The following PPP2R5A variants were observed in gnomAD, a reference collection of about 807,000 sequenced individuals.
The protein encoded by PPP2R5A is protein phosphatase 2 regulatory subunit B'alpha.
Under a neutral mutation model 64.2 loss-of-function variants are expected in PPP2R5A, and 25 were observed. That is an observed-to-expected ratio of 0.39 (90% confidence interval 0.28 to 0.54). The LOEUF (loss-of-function observed/expected upper bound fraction) is 0.54. Among genes scored for constraint, PPP2R5A ranks in the 20% least tolerant of loss-of-function variants. The pLI is 0.67. For synonymous variants in PPP2R5A, 198 were observed against 201.2 expected, an observed-to-expected ratio of 0.98 and a Z score of 0.13; for missense variants, 425 against 576.3, an observed-to-expected ratio of 0.74 and a Z score of 2.69.
At chr1:212,311,587 T>G (rs1203040865) in intron 1 of PPP2R5A, among the ~76,000 whole-genome samples, 2 of 152,160 alleles carry the variant, frequency 1.3e-5, no homozygotes, top group African/African-American at 4.8e-5. Flanking sequence ...GTGTGCTCCT[T>G]CTACTTATTA....
intron 1 of PPP2R5A, chr1:212,301,976 T>C (rs1658806031): frequency 1.4e-6 from 2 of 1,397,806 alleles, no homozygotes; most frequent in African/African-American, 1.5e-5. Context: ...TTATTTATCC[T>C]TAAATGTAGA....
chr1:212,344,309 T>C (rs1055318465), intron 4 of PPP2R5A, among the ~76,000 whole-genome samples: 1 of 152,186 alleles, frequency 6.6e-6, no homozygotes, highest in East Asian at 1.9e-4. Flanking sequence ...TGTGAACTTA[T>C]TAGATATATT....
At chr1:212,336,924 G>C (rs1439957717) in intron 3 of PPP2R5A, among the ~76,000 whole-genome samples, 1 of 152,104 alleles carries the variant, frequency 6.6e-6, no homozygotes, top group Non-Finnish European at 1.5e-5. Flanking sequence ...GTTAATGAGG[G>C]AGTAATTACA....
Position 212,329,298 on chromosome 1 carries a change from T to C in PPP2R5A, c.345T>C (p.Ile115=). ...ATGTTTCAACTAATCGTGGTGTAAT[T>C]GTTGAATCAGCGTATTCTGATATAG... The part of the protein sequence containing the change: ...VEYVSTNRGV[I]VESAYSDIVK... Residue 115 remains isoleucine (I), a synonymous_variant, in exon 2 of 13, where the codon ATT becomes ATC. Coordinates refer to ENST00000261461, the MANE Select transcript of PPP2R5A (RefSeq NM_006243.4). 6.2e-7 allele frequency: 1 copy of C among 1,606,778 alleles called. No homozygotes were observed. The highest frequency in any genetic ancestry group is 8.5e-7 in the Non-Finnish European group (1 of 1,177,902).
At chr1:212,294,001 CTTAG>C (rs1658648823) in intron 1 of PPP2R5A, among the ~76,000 whole-genome samples, 1 of 152,192 alleles carries the variant, frequency 6.6e-6, no homozygotes, top group South Asian at 2.1e-4. Flanking sequence ...TCAGGTTTTG[CTTAG>C]TTAATGAATA....
At chr1:212,335,935 T>C (rs1208436628) in intron 3 of PPP2R5A, among the ~76,000 whole-genome samples, 1 of 152,172 alleles carries the variant, frequency 6.6e-6, no homozygotes, top group Non-Finnish European at 1.5e-5. Flanking sequence ...GAAAGTGTTT[T>C]CATTAGAATA....
chr1:212,293,641 G>A (rs1214201831), intron 1 of PPP2R5A, among the ~76,000 whole-genome samples: 1 of 151,322 alleles, frequency 6.6e-6, no homozygotes, highest in Non-Finnish European at 1.5e-5. Context: ...AAGTAATGAA[G>A]AATTTTAGAA....
chr1:212,301,945 A>G, intron 1 of PPP2R5A: 1 of 1,336,840 alleles, frequency 7.5e-7, no homozygotes, highest in South Asian at 1.8e-5. Context: ...ATTTGTTAGA[A>G]ATGATTCCTG....
intron 12 of PPP2R5A, among the ~76,000 whole-genome samples, chr1:212,359,999 T>C (rs1660051491): frequency 6.6e-6 from 1 of 152,212 alleles, no homozygotes; most frequent in African/African-American, 2.4e-5. Context: ...AAGCCTATGT[T>C]TTACATGTTC....
At position 212,285,693 on chromosome 1, in the gene PPP2R5A, C is replaced by T. The variant is rs572896920; in HGVS notation, c.-418C>T. The T allele has an allele frequency of 8.9e-4, 141 of 157,912 alleles. 2 individuals carry two copies. The highest frequency in any genetic ancestry group is 3.2e-3 in the African/African-American group (135 of 41,818). The allele number at this position is 157,912 out of a possible 1,614,324, so 9.8% of individuals were successfully genotyped here. ...GGGCGGGCTGCGCTGGCAGCGGCCG[C>T]TGAGGTGCTGGCCGGCCGGCTGGCT... is the stretch of plus-strand genomic sequence containing the variant. On this transcript the variant is annotated 5_prime_UTR_variant, in exon 1 of 13. Transcript: ENST00000261461.
intron 1 of PPP2R5A, chr1:212,306,831 C>T (rs1325277122): frequency 6.6e-6 from 1 of 152,108 alleles, no homozygotes; most frequent in Non-Finnish European, 1.5e-5. Flanking sequence ...GATCTCCACT[C>T]ACTGCAACCT....
intron 4 of PPP2R5A, among the ~76,000 whole-genome samples, chr1:212,344,645 T>A (rs943201812): frequency 6.6e-6 from 1 of 152,196 alleles, no homozygotes; most frequent in Non-Finnish European, 1.5e-5. Context: ...TCTAAGAAAA[T>A]CCAATGTTTA....
intron 1 of PPP2R5A, among the ~76,000 whole-genome samples, chr1:212,291,097 G>A (rs1286885058): frequency 3.3e-5 from 5 of 151,964 alleles, no homozygotes; most frequent in African/African-American, 9.7e-5. Context: ...ACTTGGAGAG[G>A]TCATTTATTT....
chr1:212,350,339 A>G (rs1287641932), intron 8 of PPP2R5A, among the ~76,000 whole-genome samples: 3 of 152,234 alleles, frequency 2.0e-5, no homozygotes, highest in African/African-American at 7.2e-5. Flanking sequence ...ATATATTTGT[A>G]CATGAAACCA....
chr1:212,304,536 C>T (rs983188462), intron 1 of PPP2R5A, among the ~76,000 whole-genome samples: 9 of 151,694 alleles, frequency 5.9e-5, no homozygotes, highest in Admixed American at 1.3e-4. Flanking sequence ...GCAACAAGAG[C>T]GAAACTCCAT....
At chr1:212,322,399 T>G (rs1027845139) in intron 1 of PPP2R5A, among the ~76,000 whole-genome samples, 1 of 152,224 alleles carries the variant, frequency 6.6e-6, no homozygotes, top group Non-Finnish European at 1.5e-5. Context: ...ACGAGAAAAT[T>G]CAGTGTTACT....
intron 6 of PPP2R5A, 123 bp from the exon 7 acceptor site, chr1:212,348,266 T>TG (rs1659817291): frequency 1.5e-6 from 1 of 656,204 alleles, no homozygotes; most frequent in African/African-American, 1.9e-5. Context: ...AGTTTGAAGA[T>TG]GAGCAGTCAT....
At chr1:212,325,187 T>C (rs986560973) in intron 1 of PPP2R5A, among the ~76,000 whole-genome samples, 1 of 152,208 alleles carries the variant, frequency 6.6e-6, no homozygotes, top group African/African-American at 2.4e-5. Flanking sequence ...GAAACATCTG[T>C]TGAATATAGG....
chr1:212,344,432 T>C (rs1659738366), intron 4 of PPP2R5A, among the ~76,000 whole-genome samples: 1 of 152,228 alleles, frequency 6.6e-6, no homozygotes, highest in Admixed American at 6.5e-5. Flanking sequence ...TTGGGAGATA[T>C]AAATATGATT....
Sources: allele counts gnomAD v4.1 joint callset (sites outside exome capture counted in the v4.1 genomes callset), GRCh38; gene constraint gnomAD v4.1.1; transcripts MANE v1.5; gene names NCBI Gene and HGNC (gene_info 2026-07-23, HGNC 2026-07-21).